Variants in MARCHF1 observed in about 807,000 individuals in gnomAD.
MARCHF1 encodes the protein membrane associated ring-CH-type finger 1, also known as E3 ubiquitin-protein ligase MARCHF1.
Under a neutral mutation model 54.2 loss-of-function variants are expected in MARCHF1, and 40 were observed. That is an observed-to-expected ratio of 0.74 (90% CI 0.57 to 0.96). MARCHF1 has a LOEUF of 0.96. Ranked by LOEUF, MARCHF1 falls within the 40% of genes least tolerant of loss-of-function variation. MARCHF1 has a pLI of 0.00. For missense variants in MARCHF1, 586 were observed against 656.5 expected, an observed-to-expected ratio of 0.89 and a Z score of 1.17; for synonymous variants, 236 against 236.3, an observed-to-expected ratio of 1.00 and a Z score of 0.01.
chr4:163,683,262 A>T (rs771120740), intron 5 of MARCHF1, among the ~76,000 whole-genome samples: 2 of 152,224 alleles, frequency 1.3e-5, no homozygotes, highest in Non-Finnish European at 2.9e-5. Flanking sequence ...TAAAAGGCAC[A>T]TCTCACATGG....
intron 7 of MARCHF1, among the ~76,000 whole-genome samples, chr4:163,606,573 T>G (rs1180120194): frequency 1.3e-5 from 2 of 151,984 alleles, no homozygotes; most frequent in Non-Finnish European, 1.5e-5. Context: ...AAAAATGAAG[T>G]GCATATTGAA....
chr4:164,126,153 C>T (rs1038882556), intron 1 of MARCHF1, among the ~76,000 whole-genome samples: 15 of 152,142 alleles, frequency 9.9e-5, no homozygotes, highest in Admixed American at 8.5e-4. Flanking sequence ...TTCCAAAATT[C>T]GTACATTGAA....
intron 3 of MARCHF1, among the ~76,000 whole-genome samples, chr4:163,907,293 G>A (rs1751091686): frequency 6.6e-6 from 1 of 151,998 alleles, no homozygotes; most frequent in Non-Finnish European, 1.5e-5. Flanking sequence ...TTATGTCTCA[G>A]TAAAAGGTTG....
At chr4:164,363,099 T>C (rs1314021168) in intron 1 of MARCHF1, among the ~76,000 whole-genome samples, 1 of 152,102 alleles carries the variant, frequency 6.6e-6, no homozygotes, top group African/African-American at 2.4e-5. Flanking sequence ...TATGTTCTAT[T>C]CTGTTTCAAA....
chr4:164,379,368 C>T (rs1731298529), intron 1 of MARCHF1, among the ~76,000 whole-genome samples: 1 of 152,056 alleles, frequency 6.6e-6, no homozygotes, highest in African/African-American at 2.4e-5. Context: ...GTACAGGGAG[C>T]ATGTTGGGTA....
At chr4:163,645,059 T>TA (rs1187192819) in intron 5 of MARCHF1, among the ~76,000 whole-genome samples, 1 of 152,096 alleles carries the variant, frequency 6.6e-6, no homozygotes, top group Admixed American at 6.5e-5. Flanking sequence ...CCCAGTGACA[T>TA]AGCAGAAGCC....
chr4:163,875,575 T>C (rs1470416866), intron 3 of MARCHF1, among the ~76,000 whole-genome samples: 1 of 152,190 alleles, frequency 6.6e-6, no homozygotes, highest in Non-Finnish European at 1.5e-5. Context: ...AGCGGTCTCA[T>C]GAACTTTCTC....
intron 7 of MARCHF1, among the ~76,000 whole-genome samples, chr4:163,599,818 A>G (rs1202158133): frequency 2.0e-5 from 3 of 152,116 alleles, no homozygotes; most frequent in Non-Finnish European, 2.9e-5. Flanking sequence ...TAGTCCAGGG[A>G]CTCTACTTAG....
intron 7 of MARCHF1, among the ~76,000 whole-genome samples, chr4:163,596,894 T>A (rs1377339843): frequency 1.3e-5 from 2 of 152,202 alleles, no homozygotes; most frequent in African/African-American, 4.8e-5. Flanking sequence ...CTTTCTAATT[T>A]ACATTTTCCC....
At chr4:163,961,175 T>G (rs968070622) in intron 3 of MARCHF1, among the ~76,000 whole-genome samples, 8 of 151,936 alleles carry the variant, frequency 5.3e-5, no homozygotes, top group African/African-American at 1.9e-4. Context: ...CCTCAGCCTG[T>G]GAATTTTTGG....
At chr4:163,841,892 A>G (rs929796186) in intron 4 of MARCHF1, among the ~76,000 whole-genome samples, 3 of 152,216 alleles carry the variant, frequency 2.0e-5, no homozygotes, top group East Asian at 3.9e-4. Context: ...CTAAGTTCTC[A>G]TATCAGCATT....
At chr4:163,959,372 C>CA (rs1404992671) in intron 3 of MARCHF1, among the ~76,000 whole-genome samples, 8 of 148,682 alleles carry the variant, frequency 5.4e-5, no homozygotes, top group South Asian at 2.1e-4. Flanking sequence ...ACAAAACAAA[C>CA]AAAAAAAAAG....
intron 3 of MARCHF1, among the ~76,000 whole-genome samples, chr4:163,887,751 G>A (rs1386149036): frequency 6.6e-6 from 1 of 152,112 alleles, no homozygotes; most frequent in African/African-American, 2.4e-5. Flanking sequence ...AAATTTTGAA[G>A]TCAACATCTT....
In MARCHF1 at chr4:163,550,346, CAAATCCATT is replaced by C. The variant is rs143397619; in HGVS notation, c.1192-4612_1192-4604del. On this transcript the variant is annotated intron_variant, in intron 8 of 9. Transcript: ENST00000514618. Reference sequence around the variant, plus strand: ...AAGCAGGAGGTAGGGACTACTTTGCCAAATCCATTAAATCCATTTCGTCTTTTTTCTTGA... The same window carrying C: ...AAGCAGGAGGTAGGGACTACTTTGCCAAATCCATTTCGTCTTTTTTCTTGA... 3.3e-3 allele frequency among the ~76,000 whole-genome samples: 508 copies of C among 151,860 alleles called. 2 individuals are homozygous for C. Among genetic ancestry groups the C allele is most frequent in the African/African-American group, 0.011 (462 of 41,410 alleles).
chr4:163,769,003 A>G (rs1050002655), intron 4 of MARCHF1, among the ~76,000 whole-genome samples: 10 of 152,296 alleles, frequency 6.6e-5, no homozygotes, highest in South Asian at 4.1e-4. Context: ...TACCACGTGA[A>G]TAAGTCCAGC....
chr4:164,166,383 A>C (rs1183706429), intron 1 of MARCHF1, among the ~76,000 whole-genome samples: 2 of 152,004 alleles, frequency 1.3e-5, no homozygotes, highest in Non-Finnish European at 2.9e-5. Context: ...GAAGTTATCC[A>C]AAAAAATCTT....
rs191703376 is a variant in MARCHF1 at position 164,155,770 on chromosome 4, T to C, written c.-322-44108A>G. Among the ~76,000 whole-genome samples, 24 of 152,232 alleles carry C rather than the reference T, an allele frequency of 1.6e-4. No individual in the cohort carries two copies. The East Asian group carries it at 3.7e-3, about 23-fold the overall frequency. On this transcript the variant is annotated intron_variant, in intron 1 of 9. Transcript: ENST00000514618. Reference sequence around the variant, plus strand: ...TTACAGACTTCACCACTATACAATGTATTCATGTAACAAAACTGAACTTGT... The same window carrying C: ...TTACAGACTTCACCACTATACAATGCATTCATGTAACAAAACTGAACTTGT...
chr4:163,705,313 G>C (rs1175983624), intron 4 of MARCHF1, among the ~76,000 whole-genome samples: 1 of 151,074 alleles, frequency 6.6e-6, no homozygotes, highest in Non-Finnish European at 1.5e-5. Flanking sequence ...TGTTAAGATA[G>C]TACTCCCTAC....
At chr4:164,210,066 CTGCTA>C (rs1189798525) in intron 1 of MARCHF1, among the ~76,000 whole-genome samples, 1 of 152,066 alleles carries the variant, frequency 6.6e-6, no homozygotes, top group Non-Finnish European at 1.5e-5. Context: ...AAAGAAAGCT[CTGCTA>C]TATTATTCTA....
Sources: gnomAD v4.1 joint callset for allele counts (sites outside exome capture counted in the v4.1 genomes callset) on GRCh38, gnomAD v4.1.1 for gene constraint, MANE v1.5 for transcripts, NCBI Gene and HGNC (gene_info 2026-07-23, HGNC 2026-07-21) for gene names.